LOC128462377: variants seen among roughly 807,000 people sequenced by gnomAD.
chr16:89,320,791 C>T, the LOC128462377 span, among the ~76,000 whole-genome samples: 2 of 152,376 alleles, frequency 1.3e-5, no homozygotes, highest in Non-Finnish European at 2.9e-5. Flanking sequence ...CTCTGGGATC[C>T]AGGGCCAGCT....
the LOC128462377 span, among the ~76,000 whole-genome samples, chr16:89,372,519 G>A: frequency 1.3e-5 from 2 of 152,198 alleles, no homozygotes; most frequent in African/African-American, 4.8e-5. Flanking sequence ...CCAGCTGACA[G>A]AGACGCCACT....
At chr16:89,324,177 C>G in the LOC128462377 span, 6 of 1,145,878 alleles carry the variant, frequency 5.2e-6, no homozygotes, top group Non-Finnish European at 6.6e-6. Context: ...GTTATCACGG[C>G]GGGGGGTGGC....
the LOC128462377 span, among the ~76,000 whole-genome samples, chr16:89,384,031 C>A: frequency 6.6e-6 from 1 of 152,116 alleles, no homozygotes; most frequent in Non-Finnish European, 1.5e-5. Flanking sequence ...ACCAGCCTGG[C>A]CAACATGGCA....
chr16:89,393,379 A>G, the LOC128462377 span, among the ~76,000 whole-genome samples: 8 of 150,438 alleles, frequency 5.3e-5, no homozygotes, highest in Admixed American at 3.3e-4. Context: ...GGTGGAGTAC[A>G]GTGGCGCAAT....
At chr16:89,415,829 CAAAAAA>C in the LOC128462377 span, among the ~76,000 whole-genome samples, 13 of 39,740 alleles carry the variant, frequency 3.3e-4, no homozygotes, top group South Asian at 8.5e-3. Flanking sequence ...GACTCTGTCT[CAAAAAA>C]AAAAAAAAAA....
chr16:89,385,327 C>T, the LOC128462377 span, among the ~76,000 whole-genome samples: 1 of 152,030 alleles, frequency 6.6e-6, no homozygotes, highest in African/African-American at 2.4e-5. Flanking sequence ...CGCTGTTTTG[C>T]CATGTTGGCC....
At chr16:89,322,797 G>A in the LOC128462377 span, among the ~76,000 whole-genome samples, 3 of 152,272 alleles carry the variant, frequency 2.0e-5, no homozygotes, top group Non-Finnish European at 4.4e-5. Context: ...TGGCCTGCCT[G>A]CAGCACACGG....
the LOC128462377 span, among the ~76,000 whole-genome samples, chr16:89,363,984 C>T: frequency 6.6e-6 from 1 of 152,100 alleles, no homozygotes; most frequent in Non-Finnish European, 1.5e-5. Flanking sequence ...AGCTTGAGCC[C>T]GGGAGTTGGA....
the LOC128462377 span, among the ~76,000 whole-genome samples, chr16:89,408,264 A>G: frequency 6.6e-6 from 1 of 152,240 alleles, no homozygotes; most frequent in South Asian, 2.1e-4. Flanking sequence ...TCTCCACCCT[A>G]GAGAAGTGGC....
chr16:89,383,187 C>G, the LOC128462377 span, among the ~76,000 whole-genome samples: 1 of 152,162 alleles, frequency 6.6e-6, no homozygotes, highest in Admixed American at 6.6e-5. Flanking sequence ...GGGAGCGGTG[C>G]GAGGTCACCT....
the LOC128462377 span, among the ~76,000 whole-genome samples, chr16:89,366,129 CA>C: frequency 0.02 from 1,202 of 60,432 alleles, 10 homozygotes; most frequent in African/African-American, 0.059. Flanking sequence ...GACTCCATCT[CA>C]AAAAAAAAAA....
the LOC128462377 span, among the ~76,000 whole-genome samples, chr16:89,331,588 A>G: frequency 1.5e-3 from 235 of 152,300 alleles, 12 homozygotes; most frequent in East Asian, 0.044. Flanking sequence ...ACACTGAGAA[A>G]GTTCAAGGCA....
At chr16:89,342,385 G>A in the LOC128462377 span, among the ~76,000 whole-genome samples, 4 of 152,236 alleles carry the variant, frequency 2.6e-5, no homozygotes, top group Non-Finnish European at 5.9e-5. Context: ...CAGAGATGTT[G>A]AGGCCTTGGG....
chr16:89,319,546 C>A, the LOC128462377 span, among the ~76,000 whole-genome samples: 1,818 of 152,348 alleles, frequency 0.012, 57 homozygotes, highest in Admixed American at 0.057. Context: ...CTTCCAGGAC[C>A]CTCGTGTCCG....
chr16:89,323,584 C>G, the LOC128462377 span, among the ~76,000 whole-genome samples: 524 of 23,432 alleles, frequency 0.022, 21 homozygotes, highest in African/African-American at 0.047. Flanking sequence ...GGGCTAAGCC[C>G]AGGGCAGGGG....
the LOC128462377 span, among the ~76,000 whole-genome samples, chr16:89,346,183 G>C: frequency 6.6e-6 from 1 of 150,956 alleles, no homozygotes; most frequent in East Asian, 1.9e-4. Flanking sequence ...CAGGAGGTGA[G>C]GTTGTAATGA....
chr16:89,325,354 C>T, the LOC128462377 span, among the ~76,000 whole-genome samples: 1 of 152,042 alleles, frequency 6.6e-6, no homozygotes, highest in Non-Finnish European at 1.5e-5. Context: ...AGGAGGATCA[C>T]TTGAGCCCAG....
At chr16:89,392,453 G>T in the LOC128462377 span, 4 of 152,092 alleles carry the variant, frequency 2.6e-5, no homozygotes, top group East Asian at 5.8e-4. Flanking sequence ...GGTAAACGAT[G>T]GAAATAAGAA....
chr16:89,358,962 A>G, the LOC128462377 span, among the ~76,000 whole-genome samples: 1 of 152,086 alleles, frequency 6.6e-6, no homozygotes, highest in East Asian at 1.9e-4. Flanking sequence ...AGCAGCTGGG[A>G]CCACAGGCAT....
Sources: allele counts gnomAD v4.1 joint callset (sites outside exome capture counted in the v4.1 genomes callset), GRCh38; gene constraint gnomAD v4.1.1; transcripts MANE v1.5.